USP33: variants seen among roughly 807,000 people sequenced by gnomAD.
The protein encoded by USP33 is ubiquitin carboxyl-terminal hydrolase 33.
In USP33, 46 loss-of-function variants were observed where a neutral mutation model predicts 124.2. That is an observed-to-expected ratio of 0.37 (90% CI 0.29 to 0.47). USP33 has a LOEUF of 0.47. Ranked by LOEUF, USP33 falls within the 20% of genes least tolerant of loss-of-function variation. USP33 has a pLI of 0.99. For missense variants in USP33, 851 were observed against 1,070.6 expected (o/e 0.79, Z 2.86); for synonymous variants, 350 against 352.3 (o/e 0.99, Z 0.07).
At chr1:77,740,615 CA>C (rs1177243054) in intron 4 of USP33, among the ~76,000 whole-genome samples, 1 of 152,166 alleles carries the variant, frequency 6.6e-6, no homozygotes, top group Non-Finnish European at 1.5e-5. Context: ...CTTGGCCTTC[CA>C]AAGTGCTGGG....
chr1:77,737,877 T>C (rs1344433626), intron 5 of USP33, among the ~76,000 whole-genome samples: 4 of 152,254 alleles, frequency 2.6e-5, no homozygotes, highest in African/African-American at 4.8e-5. Flanking sequence ...GATTAAACTT[T>C]AGTCATAACA....
rs756529626 is a variant in USP33, at chr1:77,697,858, C to T, written c.2578+5G>A. ...AGTAAAAGCTTAAATACGAGTCAAA[C>T]TTACCTTGCCTAAGCATCACATTAC... is the stretch of plus-strand genomic sequence containing the variant. On this transcript the variant is annotated splice_donor_5th_base_variant and intron_variant, in intron 23 of 23. Coordinates refer to ENST00000370794, the MANE Select transcript of USP33 (RefSeq NM_201624.3). 3.1e-6 allele frequency: 5 copies of T among 1,606,178 alleles called. No homozygotes were observed. Among genetic ancestry groups the T allele is most frequent in the Non-Finnish European group, 4.2e-6 (5 of 1,177,380 alleles).
chr1:77,748,785 C>CCA (rs1553201500), intron 1 of USP33, among the ~76,000 whole-genome samples: 2 of 110,970 alleles, frequency 1.8e-5, no homozygotes, highest in Non-Finnish European at 3.8e-5. Context: ...TCCCTCCCCC[C>CCA]CCCCCCCGTG....
intron 22 of USP33, among the ~76,000 whole-genome samples, chr1:77,700,201 C>G (rs1231006949): frequency 2.0e-5 from 3 of 152,136 alleles, no homozygotes; most frequent in Non-Finnish European, 4.4e-5. Flanking sequence ...CTGGAACTTA[C>G]AAAATAAAAA....
chr1:77,741,464 T>C (rs895847737), intron 2 of USP33, 35 bp from the exon 3 acceptor site: 5 of 1,587,876 alleles, frequency 3.1e-6, no homozygotes, highest in South Asian at 1.2e-5. Context: ...ACATTGGTTA[T>C]ATTGACACAA....
Position 77,717,898 on chromosome 1 carries a change from C to A in USP33, c.1887G>T (p.Leu629=). 6.2e-7 allele frequency: 1 copy of A among 1,611,946 alleles called. No individual in the cohort carries two copies. Among genetic ancestry groups the A allele is most frequent in the Non-Finnish European group, 8.5e-7 (1 of 1,179,216 alleles). ...SPAQIVTYDL[L]SVICHHGTAS... is the part of the protein sequence containing the mutation. ...CAGTTCCATGATGGCAAATGACTGA[C>A]AGAAGATCATATGTCACAATTTGAG... is the stretch of plus-strand genomic sequence containing the variant. Residue 629 remains leucine (L), a synonymous_variant, in exon 17 of 24, where the codon CTG becomes CTT. Transcript: ENST00000370794.
Position 77,721,205 on chromosome 1 carries a change from C to T in USP33, c.1658G>A (p.Gly553Asp), listed in dbSNP as rs778684299. The T allele has an allele frequency of 9.3e-6, 15 of 1,613,674 alleles. No homozygotes were observed. The highest frequency in any genetic ancestry group is 8.5e-7 in the Non-Finnish European group (1 of 1,179,866). Residue 553 changes from glycine to aspartate, a missense_variant and splice_region_variant, in exon 15 of 24, where the codon GGT (glycine) becomes GAT (aspartate). Physicochemically the swap from Gly to Asp is moderately conservative, Grantham distance 94. Around this residue, in one of 4 missense-constraint regions of USP33, gnomAD observed 281 missense variants for 425.0 expected, o/e 0.66. Coordinates refer to ENST00000370794, the MANE Select transcript of USP33 (RefSeq NM_201624.3). Reference sequence around the variant, plus strand: ...TTTTTCACAACTGTACATATTGTCACCTGCAAATAAAACAGATCTGGCATT... The same window carrying T: ...TTTTTCACAACTGTACATATTGTCATCTGCAAATAAAACAGATCTGGCATT... ...AAFFARDELKGDNMYSCEKCK... is the reference protein window; with the variant it reads ...AAFFARDELKDDNMYSCEKCK...
In USP33 at chr1:77,701,611, C is replaced by T. The variant is rs183693853; in HGVS notation, c.2407-140G>A. 275 of 638,742 alleles carry T rather than the reference C, an allele frequency of 4.3e-4. No homozygotes were observed. The African/African-American group carries it at 4.9e-3, about 11-fold the overall frequency. 39.6% of individuals were successfully genotyped at this position (638,742 alleles called of 1,614,324 possible). The stretch of plus-strand genomic sequence containing the variant: ...GAGGAGTCCTTGAACCCAGGAGTTC[C>T]AAACCAGTCTGGGCAACATCGTGAG... On this transcript the variant is annotated intron_variant, in intron 21 of 23. Transcript: ENST00000370794.
At chr1:77,739,104 G>A (rs1352577912) in intron 5 of USP33, among the ~76,000 whole-genome samples, 161 bp downstream of exon 5, 1 of 152,170 alleles carries the variant, frequency 6.6e-6, no homozygotes, top group African/African-American at 2.4e-5. Flanking sequence ...ACACAAGAAA[G>A]GGGAGTCTGA....
intron 6 of USP33, among the ~76,000 whole-genome samples, 191 bp from the exon 7 acceptor site, chr1:77,734,607 A>G (rs1678206230): frequency 6.6e-6 from 1 of 152,234 alleles, no homozygotes; most frequent in South Asian, 2.1e-4. Flanking sequence ...CATAAATTCA[A>G]GGATTAAACA....
chr1:77,697,346 T>C lies in USP33; in HGVS notation c.2707A>G (p.Lys903Glu), dbSNP rs1673515739. The C allele has an allele frequency of 6.2e-7, 1 of 1,601,802 alleles. No homozygotes were observed. The highest frequency in any genetic ancestry group is 8.5e-7 in the Non-Finnish European group (1 of 1,177,124). ...AAAGACCGAGTTTCTACTTCAATTT[T>C]TTCTTCTGCTTGAAGTATATCTGGA... is the stretch of plus-strand genomic sequence containing the variant. ...VDPDILQAEE[K>E]IEVETRSL The change falls in exon 24 of 24, where the codon AAA becomes GAA. Residue 903 changes from lysine to glutamate, a missense_variant. Lys to Glu is a moderately conservative substitution (Grantham distance 56, BLOSUM62 1). Transcript: ENST00000370794.
intron 1 of USP33, among the ~76,000 whole-genome samples, chr1:77,750,664 G>GAAAGAAAGAAAGA (rs1557872788): frequency 7.0e-6 from 1 of 142,846 alleles, no homozygotes; most frequent in African/African-American, 2.6e-5. Flanking sequence ...AAGAAAGAAA[G>GAAAGAAAGAAAGA]AAAGAAAGAA....
intron 1 of USP33, among the ~76,000 whole-genome samples, chr1:77,754,144 T>C (rs1680592793): frequency 6.6e-6 from 1 of 152,086 alleles, no homozygotes; most frequent in Non-Finnish European, 1.5e-5. Context: ...GTTGGGTAAC[T>C]GTCAGAGGTG....
chr1:77,705,969 C>T (rs1674581217), intron 21 of USP33, among the ~76,000 whole-genome samples: 1 of 152,208 alleles, frequency 6.6e-6, no homozygotes, highest in Admixed American at 6.5e-5. Flanking sequence ...ATCCATGTTG[C>T]TTCATGGATC....
chr1:77,696,225 G>T lies in USP33; in HGVS notation c.*1092C>A, dbSNP rs1482354733. 3 of 152,442 alleles carry T rather than the reference G, an allele frequency of 2.0e-5. No individual in the cohort carries two copies. The highest frequency in any genetic ancestry group is 2.1e-4 in the South Asian group (1 of 4,822). The allele number at this position is 152,442 out of a possible 1,614,324, so 9.4% of individuals were successfully genotyped here. A position where few individuals can be genotyped will look rare whatever the true frequency, so the allele number is the denominator to read the frequency against. On this transcript the variant is annotated 3_prime_UTR_variant, in exon 24 of 24. Transcript: ENST00000370794. Reference sequence around the variant, plus strand: ...TCTATTTCATTTAAAAAATCAAGTTGCAAGTGGCCTCAGCTTTATCAACAA... The same window carrying T: ...TCTATTTCATTTAAAAAATCAAGTTTCAAGTGGCCTCAGCTTTATCAACAA...
chr1:77,730,553 C>A, intron 8 of USP33, 65 bp downstream of exon 8: 3 of 1,236,700 alleles, frequency 2.4e-6, no homozygotes, highest in Non-Finnish European at 3.2e-6. Flanking sequence ...GACCTGCAAC[C>A]TTTAAATATT....
chr1:77,737,143 A>T (rs898811170), intron 5 of USP33, among the ~76,000 whole-genome samples: 2 of 152,222 alleles, frequency 1.3e-5, no homozygotes, highest in African/African-American at 2.4e-5. Context: ...CAGAAGATTG[A>T]ACTACAATGA....
chr1:77,742,501 G>A (rs886320839), intron 1 of USP33, among the ~76,000 whole-genome samples: 4 of 152,064 alleles, frequency 2.6e-5, no homozygotes. Flanking sequence ...CCATTTTCAT[G>A]ATCTTTACAA....
At chr1:77,735,842 A>G (rs1678378980) in intron 6 of USP33, among the ~76,000 whole-genome samples, 1 of 152,248 alleles carries the variant, frequency 6.6e-6, no homozygotes. Flanking sequence ...GCTCAACTGC[A>G]AAAGAGTAAG....
Sources: gnomAD v4.1 joint callset for allele counts (sites outside exome capture counted in the v4.1 genomes callset) on GRCh38, gnomAD v4.1.1 for gene constraint, gnomAD v4.1.1 regional missense constraint, MANE v1.5 for transcripts, NCBI Gene and HGNC (gene_info 2026-07-23, HGNC 2026-07-21) for gene names.